RND1: variants seen among roughly 807,000 people sequenced by gnomAD.
The protein encoded by RND1 is Rho family GTPase 1, also known as rho-related GTP-binding protein Rho6.
RND1 carries 9 observed loss-of-function variants against 27.1 expected under a neutral mutation model. That is an observed-to-expected ratio of 0.33 (90% CI 0.20 to 0.58). The LOEUF is 0.58. Ranked by LOEUF, RND1 falls within the 20% of genes least tolerant of loss-of-function variation. RND1 has a pLI of 0.86. For missense variants in RND1, 253 were observed against 292.2 expected (o/e 0.87, Z 0.98); for synonymous variants, 108 against 115.7 (o/e 0.93, Z 0.43).
rs1472040200 is a variant in RND1 at position 48,857,883 on chromosome 12, G to C, written c.*113C>G. On this transcript the variant is annotated 3_prime_UTR_variant, in exon 5 of 5. Transcript: ENST00000309739. ...TGTCTCCTTCCAAGCCCTCACCGTGGCCATCTGAAAAACTCATGTCCAGTG... is the reference window on the plus strand; with the variant it reads ...TGTCTCCTTCCAAGCCCTCACCGTGCCCATCTGAAAAACTCATGTCCAGTG... 7.6e-7 allele frequency: 1 copy of C among 1,308,948 alleles called. No individual in the cohort carries two copies. The highest frequency in any genetic ancestry group is 1.5e-5 in the African/African-American group (1 of 67,034). 81.1% of individuals were successfully genotyped at this position (1,308,948 alleles called of 1,614,324 possible).
chr12:48,857,206 A>G lies in RND1; in HGVS notation c.*790T>C, dbSNP rs1938852433. 1 of 152,400 alleles carries G rather than the reference A, an allele frequency of 6.6e-6. No homozygotes were observed. Among genetic ancestry groups the G allele is most frequent in the Non-Finnish European group, 1.5e-5 (1 of 68,052 alleles). The allele number at this position is 152,400 out of a possible 1,614,324, so 9.4% of individuals were successfully genotyped here. A position where few individuals can be genotyped will look rare whatever the true frequency, so the allele number is the denominator to read the frequency against. ...GTTTTCTTCATTAAACACAGAACAT[A>G]TAACAGATTGAAACACTCCCCCCCT... On this transcript the variant is annotated 3_prime_UTR_variant, in exon 5 of 5. Coordinates refer to ENST00000309739, the MANE Select transcript of RND1 (RefSeq NM_014470.4).
Position 48,858,241 on chromosome 12 carries a change from C to G in RND1, c.454G>C (p.Gly152Arg). 6.2e-7 allele frequency: 1 copy of G among 1,613,796 alleles called. No individual in the cohort carries two copies. Among genetic ancestry groups the G allele is most frequent in the Non-Finnish European group, 8.5e-7 (1 of 1,179,892 alleles). The stretch of plus-strand genomic sequence containing the variant: ...CCCAGCTGCTTTGCTATTGCACAAC[C>G]CTGCAGGAGGGGGTGAGGGCATTAA... ...QKQAPISYEQGCAIAKQLGAE... is the reference protein window; with the variant it reads ...QKQAPISYEQRCAIAKQLGAE... The change falls in exon 5 of 5, where the codon GGT becomes CGT. Residue 152 changes from glycine to arginine, a missense_variant and splice_region_variant. Physicochemically the swap from Gly to Arg is moderately radical, Grantham distance 125. Transcript: ENST00000309739.
intron 2 of RND1, among the ~76,000 whole-genome samples, chr12:48,863,602 C>T (rs1938946797): frequency 6.6e-6 from 1 of 152,096 alleles, no homozygotes; most frequent in Non-Finnish European, 1.5e-5. Context: ...AGAACCAGAA[C>T]GCTGCCTCCC....
At chr12:48,858,527 G>A (rs1360788641) in intron 4 of RND1, 2 of 300,176 alleles carry the variant, frequency 6.7e-6, no homozygotes, top group Admixed American at 1.0e-4. Context: ...AATTTCTGGG[G>A]ATAGCTGGGG....
At chr12:48,865,484 A>G (rs772280402) in intron 1 of RND1, 164 bp downstream of exon 1, 2 of 772,612 alleles carry the variant, frequency 2.6e-6, no homozygotes, top group Non-Finnish European at 4.3e-6. Flanking sequence ...AAGCTAAGGC[A>G]GGGCAGTCCT....
At chr12:48,859,048 TC>T (rs1255293832) in intron 4 of RND1, 1 of 148,758 alleles carries the variant, frequency 6.7e-6, no homozygotes, top group Non-Finnish European at 1.5e-5. Context: ...AAGCTCTGCC[TC>T]CCGGGTTCAC....
Position 48,865,797 on chromosome 12 carries a change from G to T in RND1, c.-30C>A, listed in dbSNP as rs199774505. The T allele has an allele frequency of 3.2e-6, 5 of 1,559,392 alleles. No homozygotes were observed. The highest frequency in any genetic ancestry group is 4.4e-6 in the Non-Finnish European group (5 of 1,146,308). ...GCAGTGTCCGCGGGACTTGAACTTCGATTCAGAAGGGAGGGTTGCGCCAGG... is the reference window on the plus strand; with the variant it reads ...GCAGTGTCCGCGGGACTTGAACTTCTATTCAGAAGGGAGGGTTGCGCCAGG... On this transcript the variant is annotated 5_prime_UTR_variant, in exon 1 of 5. Coordinates refer to ENST00000309739, the MANE Select transcript of RND1 (RefSeq NM_014470.4).
At chr12:48,858,395 T>A (rs1378134269) in intron 4 of RND1, 154 bp from the exon 5 acceptor site, 1 of 822,062 alleles carries the variant, frequency 1.2e-6, no homozygotes, top group Non-Finnish European at 1.8e-6. Flanking sequence ...TTTTCTTTTT[T>A]TTTTTTTTTT....
intron 1 of RND1, chr12:48,865,246 G>A: frequency 5.3e-6 from 2 of 374,408 alleles, no homozygotes; most frequent in South Asian, 2.6e-5. Context: ...GAACAGAGGG[G>A]CTGCAGAAGC....
In RND1 at chr12:48,865,855, C is replaced by T. The variant is rs1938981520; in HGVS notation, c.-88G>A. On this transcript the variant is annotated 5_prime_UTR_variant, in exon 1 of 5. Coordinates refer to ENST00000309739, the MANE Select transcript of RND1 (RefSeq NM_014470.4). The stretch of plus-strand genomic sequence containing the variant: ...CAGCACGCCAATCAAGCCAGATTCC[C>T]TGCCTCCCTCCAACTGAGGAGGAGG... The T allele has an allele frequency of 6.7e-7, 1 of 1,501,952 alleles. No individual in the cohort carries two copies. The highest frequency in any genetic ancestry group is 1.3e-5 in the South Asian group (1 of 74,270). The allele number at this position is 1,501,952 out of a possible 1,614,324, so 93.0% of individuals were successfully genotyped here.
At chr12:48,859,762 C>T (rs1020677228) in intron 4 of RND1, among the ~76,000 whole-genome samples, 4 of 152,080 alleles carry the variant, frequency 2.6e-5, no homozygotes, top group Non-Finnish European at 5.9e-5. Flanking sequence ...GGGGCCCATA[C>T]CTATAGTCCC....
rs1441604195 is a variant in RND1, at chr12:48,857,845, C to T, written c.*151G>A. 2 of 895,278 alleles carry T rather than the reference C, an allele frequency of 2.2e-6. No homozygotes were observed. The highest frequency in any genetic ancestry group is 3.2e-6 in the Non-Finnish European group (2 of 615,992). 55.5% of individuals were successfully genotyped at this position (895,278 alleles called of 1,614,324 possible). ...TCCTCATGCCGGGCCTGGCTCCTTC[C>T]TCGCCCCATTCCTGTCTCCTTCCAA... On this transcript the variant is annotated 3_prime_UTR_variant, in exon 5 of 5. Transcript: ENST00000309739.
chr12:48,864,869 G>T lies in RND1; in HGVS notation c.122C>A (p.Thr41Asn). The T allele has an allele frequency of 6.2e-7, 1 of 1,612,370 alleles. No homozygotes were observed. Among genetic ancestry groups the T allele is most frequent in the Non-Finnish European group, 8.5e-7 (1 of 1,178,560 alleles). Residue 41 changes from threonine to asparagine, a missense_variant and splice_region_variant, in exon 2 of 5, where the codon ACC becomes AAC. Physicochemically the swap from Thr to Asn is moderately conservative, Grantham distance 65. Transcript: ENST00000309739. Reference protein sequence around the residue: ...QVLAKDCYPETYVPTVFENYT... With the variant: ...QVLAKDCYPENYVPTVFENYT... The stretch of plus-strand genomic sequence containing the variant: ...ATTTTCGAACACGGTGGGCACATAG[G>T]TCTGTGAAAAGAGAGGAAACATTCA...
At position 48,861,281 on chromosome 12, in the gene RND1, C is replaced by T. The variant is rs1006828587; in HGVS notation, c.319-150G>A. On this transcript the variant is annotated intron_variant, in intron 3 of 4. Transcript: ENST00000309739. ...TCCTCCCTCTGAGTCACAGCATCAC[C>T]GTTGCACTAATTACATCATTTTCCT... The T allele has an allele frequency of 4.7e-5, 39 of 831,696 alleles. No homozygotes were observed. The Admixed American group carries it at 7.7e-4, about 16-fold the overall frequency. The allele number at this position is 831,696 out of a possible 1,614,324, so 51.5% of individuals were successfully genotyped here.
In RND1 at chr12:48,865,857, G is replaced by T; in HGVS notation, c.-90C>A. ...GCACGCCAATCAAGCCAGATTCCCT[G>T]CCTCCCTCCAACTGAGGAGGAGGCC... On this transcript the variant is annotated 5_prime_UTR_variant, in exon 1 of 5. Coordinates refer to ENST00000309739, the MANE Select transcript of RND1 (RefSeq NM_014470.4). 1.3e-6 allele frequency: 2 copies of T among 1,499,790 alleles called. No individual in the cohort carries two copies. Among genetic ancestry groups the T allele is most frequent in the South Asian group, 2.7e-5 (2 of 73,952 alleles). 92.9% of individuals were successfully genotyped at this position (1,499,790 alleles called of 1,614,324 possible).
Position 48,865,816 on chromosome 12 carries a change from C to T in RND1, c.-49G>A. 1 of 1,539,678 alleles carries T rather than the reference C, an allele frequency of 6.5e-7. No individual in the cohort carries two copies. ...AACTTCGATTCAGAAGGGAGGGTTG[C>T]GCCAGGTGCGTCTCAGCACGCCAAT... On this transcript the variant is annotated 5_prime_UTR_variant, in exon 1 of 5. Transcript: ENST00000309739.
chr12:48,862,252 G>T, intron 2 of RND1, 134 bp from the exon 3 acceptor site: 1 of 594,352 alleles, frequency 1.7e-6, no homozygotes, highest in Non-Finnish European at 3.0e-6. Context: ...ATGTACTGCG[G>T]CTGGAAGCTT....
intron 2 of RND1, 196 bp from the exon 3 acceptor site, chr12:48,862,314 C>A (rs1038092983): frequency 4.8e-5 from 25 of 516,234 alleles, no homozygotes; most frequent in Admixed American, 4.5e-4. Context: ...CCCCCTTAGT[C>A]CAGAAAAAGG....
intron 1 of RND1, 108 bp downstream of exon 1, chr12:48,865,540 G>T: frequency 7.6e-7 from 1 of 1,314,696 alleles, no homozygotes; most frequent in Non-Finnish European, 1.1e-6. Flanking sequence ...GAAAGCGGCT[G>T]AGGATGGGCT....
Sources: gnomAD v4.1 joint callset for allele counts (sites outside exome capture counted in the v4.1 genomes callset) on GRCh38, gnomAD v4.1.1 for gene constraint, MANE v1.5 for transcripts, NCBI Gene and HGNC (gene_info 2026-07-23, HGNC 2026-07-21) for gene names.